Variants in ENOX1 observed in about 807,000 individuals in gnomAD.
ENOX1 encodes ecto-NOX disulfide-thiol exchanger 1.
ENOX1 carries 42 observed loss-of-function variants against 82.5 expected under a neutral mutation model. That is an observed-to-expected ratio of 0.51 (90% CI 0.40 to 0.66). The LOEUF (loss-of-function observed/expected upper bound fraction) is 0.66, where lower values mean the gene tolerates loss of function less well. Among genes scored for constraint, ENOX1 ranks in the 30% least tolerant of loss-of-function variants. ENOX1 has a pLI of 0.00. For missense variants in ENOX1, 608 were observed against 811.6 expected, an observed-to-expected ratio of 0.75 and a Z score of 3.05; for synonymous variants, 271 against 282.2, an observed-to-expected ratio of 0.96 and a Z score of 0.40.
chr13:43,256,487 A>G (rs988869653), intron 14 of ENOX1, among the ~76,000 whole-genome samples: 1 of 152,216 alleles, frequency 6.6e-6, no homozygotes, highest in Non-Finnish European at 1.5e-5. Context: ...CTGATTAAAA[A>G]TAGGCAAAAT....
rs1271803399 is a variant in ENOX1 at position 43,344,592 on chromosome 13, T to C, written c.982A>G (p.Met328Val). ...MNEKATHEQE[M>V]EEAKENFKNA... Reference sequence around the variant, plus strand: ...TTAAAATTCTCCTTGGCTTCCTCCATCTCTTGCTCATGGGTGGCTTTTTCA... The same window carrying C: ...TTAAAATTCTCCTTGGCTTCCTCCACCTCTTGCTCATGGGTGGCTTTTTCA... The change falls in exon 9 of 17, where the codon ATG (methionine) becomes GTG (valine). Residue 328 changes from methionine (M) to valine (V), a missense_variant. Transcript: ENST00000690772. 3 of 1,614,200 alleles carry C rather than the reference T, an allele frequency of 1.9e-6. No individual in the cohort carries two copies. Among genetic ancestry groups the C allele is most frequent in the Non-Finnish European group, 2.5e-6 (3 of 1,180,040 alleles).
intron 15 of ENOX1, among the ~76,000 whole-genome samples, chr13:43,232,584 T>C (rs973573442): frequency 4.6e-5 from 7 of 152,146 alleles, no homozygotes; most frequent in Non-Finnish European, 8.8e-5. Flanking sequence ...CTGCTTCTGG[T>C]ATAGTCTGGT....
chr13:43,360,137 C>T (rs781700326), intron 6 of ENOX1, 80 bp from the exon 7 acceptor site: 86 of 1,294,182 alleles, frequency 6.6e-5, no homozygotes, highest in Non-Finnish European at 5.2e-5. Context: ...CTAAAGCTTG[C>T]AGAGTAACTT....
intron 5 of ENOX1, among the ~76,000 whole-genome samples, chr13:43,383,932 G>A (rs1421378791): frequency 6.6e-6 from 1 of 152,116 alleles, no homozygotes; most frequent in Non-Finnish European, 1.5e-5. Context: ...TCTAAGTTAA[G>A]TGTCCCAGAA....
intron 2 of ENOX1, among the ~76,000 whole-genome samples, chr13:43,659,143 T>A (rs1374648230): frequency 1.3e-5 from 2 of 152,166 alleles, no homozygotes; most frequent in Non-Finnish European, 2.9e-5. Flanking sequence ...TGTTTCATGG[T>A]TATAATATCA....
intron 2 of ENOX1, among the ~76,000 whole-genome samples, chr13:43,614,057 C>A (rs1286059499): frequency 6.6e-6 from 1 of 152,188 alleles, no homozygotes; most frequent in African/African-American, 2.4e-5. Context: ...GGCAACAGGG[C>A]ATGTGGTGCT....
At chr13:43,575,701 A>G (rs1370654187) in intron 2 of ENOX1, among the ~76,000 whole-genome samples, 1 of 152,252 alleles carries the variant, frequency 6.6e-6, no homozygotes, top group African/African-American at 2.4e-5. Flanking sequence ...CCAGAAGAAT[A>G]AGACATAGAT....
chr13:43,511,923 G>A (rs1210985191), intron 2 of ENOX1, among the ~76,000 whole-genome samples: 3 of 151,934 alleles, frequency 2.0e-5, no homozygotes, highest in Non-Finnish European at 4.4e-5. Flanking sequence ...GCGTATGTGT[G>A]TATACTTATG....
At chr13:43,761,840 G>A (rs2153835641) in intron 1 of ENOX1, among the ~76,000 whole-genome samples, 1 of 152,288 alleles carries the variant, frequency 6.6e-6, no homozygotes, top group African/African-American at 2.4e-5. Flanking sequence ...GTAGTCAGCT[G>A]TAGAACAGGA....
At chr13:43,662,173 T>C (rs1435347321) in intron 2 of ENOX1, among the ~76,000 whole-genome samples, 1 of 152,224 alleles carries the variant, frequency 6.6e-6, no homozygotes. Context: ...CTGTTCATAT[T>C]ACTTCTTTAA....
rs547634909 is a variant in ENOX1 at position 43,578,426 on chromosome 13, A to G, written c.-219+89053T>C. 9.2e-5 allele frequency among the ~76,000 whole-genome samples: 14 copies of G among 152,296 alleles called. No individual in the cohort carries two copies. In the South Asian group the frequency reaches 2.7e-3, roughly 29 times the overall value. On this transcript the variant is annotated intron_variant, in intron 2 of 16. Coordinates refer to ENST00000690772, the MANE Select transcript of ENOX1 (RefSeq NM_001347969.2). ...TTTATAAAATTTTTTGACACATTTG[A>G]AAACTTTTATCTCTAATTCTTAATA...
At chr13:43,224,682 C>T (rs1322020736) in intron 15 of ENOX1, among the ~76,000 whole-genome samples, 1 of 152,200 alleles carries the variant, frequency 6.6e-6, no homozygotes, top group Non-Finnish European at 1.5e-5. Flanking sequence ...CTGGTTGTCG[C>T]TCTTGTTTAA....
At chr13:43,455,547 T>C (rs1299988646) in intron 3 of ENOX1, among the ~76,000 whole-genome samples, 1 of 152,064 alleles carries the variant, frequency 6.6e-6, no homozygotes, top group Non-Finnish European at 1.5e-5. Context: ...TTTCTTGTTT[T>C]CTCCTTCTGG....
chr13:43,752,084 ATTG>A (rs934514842), intron 1 of ENOX1, among the ~76,000 whole-genome samples: 5 of 152,072 alleles, frequency 3.3e-5, no homozygotes, highest in Non-Finnish European at 5.9e-5. Flanking sequence ...TACTATGTCT[ATTG>A]TTGTATTATC....
chr13:43,213,534 TTTTC>T lies in ENOX1; in HGVS notation c.*452_*455del, dbSNP rs2041289358. ...AACTTTTTCTTTTTTCTTTTTTTCTTTTTCTTTTTCTTTTTTTTTTTTTTTTTTT... is the reference window on the plus strand; with the variant it reads ...AACTTTTTCTTTTTTCTTTTTTTCTTTTTTTCTTTTTTTTTTTTTTTTTTT... On this transcript the variant is annotated 3_prime_UTR_variant, in exon 17 of 17. Transcript: ENST00000690772. The T allele has an allele frequency of 1.5e-5, 2 of 131,664 alleles. No individual in the cohort carries two copies. The highest frequency in any genetic ancestry group is 3.2e-5 in the Non-Finnish European group (2 of 62,632). 8.2% of individuals were successfully genotyped at this position (131,664 alleles called of 1,614,324 possible). A position where few individuals can be genotyped will look rare whatever the true frequency, so the allele number is the denominator to read the frequency against.
intron 2 of ENOX1, chr13:43,547,555 T>C (rs2079024721): frequency 6.6e-6 from 1 of 152,242 alleles, no homozygotes; most frequent in Admixed American, 6.5e-5. Flanking sequence ...ACTTTCTACA[T>C]ACTCACCAGA....
chr13:43,595,595 A>G (rs1429635111), intron 2 of ENOX1, among the ~76,000 whole-genome samples: 1 of 152,096 alleles, frequency 6.6e-6, no homozygotes, highest in Non-Finnish European at 1.5e-5. Context: ...ACATTCTTTC[A>G]TAGGGTCATA....
intron 3 of ENOX1, among the ~76,000 whole-genome samples, chr13:43,440,460 C>T (rs892417291): frequency 6.6e-6 from 1 of 152,112 alleles, no homozygotes; most frequent in African/African-American, 2.4e-5. Context: ...ATGTAGGTAA[C>T]TCACGACATT....
intron 1 of ENOX1, among the ~76,000 whole-genome samples, chr13:43,708,481 A>T (rs1288998919): frequency 6.6e-6 from 1 of 151,878 alleles, no homozygotes; most frequent in African/African-American, 2.4e-5. Flanking sequence ...ATAAACTTTG[A>T]CTCCTATTCT....
Sources: allele counts gnomAD v4.1 joint callset (sites outside exome capture counted in the v4.1 genomes callset), GRCh38; gene constraint gnomAD v4.1.1; transcripts MANE v1.5; gene names NCBI Gene and HGNC (gene_info 2026-07-23, HGNC 2026-07-21).